Variants in PRMT3 observed in about 807,000 individuals in gnomAD.
PRMT3 encodes the protein protein arginine methyltransferase 3.
Under a neutral mutation model 71.9 loss-of-function variants are expected in PRMT3, and 62 were observed. That is an observed-to-expected ratio of 0.86 (90% CI 0.70 to 1.07). The LOEUF (loss-of-function observed/expected upper bound fraction) is 1.07, where lower values mean the gene tolerates loss of function less well. Among genes scored for constraint, PRMT3 ranks in the 50% least tolerant of loss-of-function variants. The pLI is 0.00. For synonymous variants in PRMT3, 213 were observed against 220.4 expected (o/e 0.97, Z 0.30); for missense variants, 663 against 643.0 (o/e 1.03, Z -0.34).
intron 9 of PRMT3, among the ~76,000 whole-genome samples, chr11:20,414,861 CCTT>C (rs1849268009): frequency 1.3e-5 from 2 of 152,032 alleles, no homozygotes; most frequent in South Asian, 4.1e-4. Flanking sequence ...ATGCAGGTGT[CCTT>C]CTCTAGACAC....
chr11:20,487,546 GA>G (rs1157711587), intron 13 of PRMT3, among the ~76,000 whole-genome samples: 2 of 152,192 alleles, frequency 1.3e-5, no homozygotes, highest in South Asian at 2.1e-4. Context: ...ATAGGTGCAT[GA>G]GGGGGACTAC....
intron 5 of PRMT3, chr11:20,393,859 G>C (rs570036117): frequency 6.6e-6 from 1 of 152,214 alleles, no homozygotes; most frequent in Non-Finnish European, 1.5e-5. Context: ...AATGAGGTTT[G>C]TAGTAGGAAG....
intron 7 of PRMT3, among the ~76,000 whole-genome samples, chr11:20,402,210 C>T (rs568584561): frequency 7.7e-4 from 117 of 152,164 alleles, no homozygotes; most frequent in African/African-American, 2.7e-3. Context: ...ACCTCCGCCT[C>T]CCGGGTTCAA....
intron 8 of PRMT3, among the ~76,000 whole-genome samples, chr11:20,403,811 A>G (rs1228985657): frequency 6.6e-6 from 1 of 152,206 alleles, no homozygotes; most frequent in Non-Finnish European, 1.5e-5. Flanking sequence ...TTGATAATGT[A>G]TCAGGTTGTT....
intron 10 of PRMT3, among the ~76,000 whole-genome samples, chr11:20,451,498 T>C (rs1850148034): frequency 6.6e-6 from 1 of 152,192 alleles, no homozygotes; most frequent in African/African-American, 2.4e-5. Context: ...TTTTTTGTTT[T>C]TTTTTTTAAT....
intron 11 of PRMT3, among the ~76,000 whole-genome samples, chr11:20,458,591 A>C (rs1259749855): frequency 6.6e-6 from 1 of 152,234 alleles, no homozygotes; most frequent in Non-Finnish European, 1.5e-5. Context: ...GTCAGAATGC[A>C]AAGGTAAAGG....
Position 20,494,100 on chromosome 11 carries a change from A to T in PRMT3, c.1399-67A>T. ...AATTGGGGCTTGTGTTTGATGTCGT[A>T]GATTAATGTACCATGATATTAAAAA... On this transcript the variant is annotated intron_variant, in intron 14 of 15. Transcript: ENST00000331079. 2.0e-6 allele frequency: 3 copies of T among 1,487,816 alleles called. No homozygotes were observed. In the East Asian group the frequency reaches 6.8e-5, roughly 34 times the overall value. 92.2% of individuals were successfully genotyped at this position (1,487,816 alleles called of 1,614,324 possible).
chr11:20,471,104 A>G (rs576193900), intron 13 of PRMT3, among the ~76,000 whole-genome samples: 5 of 152,084 alleles, frequency 3.3e-5, no homozygotes, highest in African/African-American at 7.2e-5. Context: ...AGTTCTCGGT[A>G]GATTTTGAAT....
At chr11:20,468,280 A>G (rs1401629141) in intron 13 of PRMT3, among the ~76,000 whole-genome samples, 1 of 152,224 alleles carries the variant, frequency 6.6e-6, no homozygotes, top group Non-Finnish European at 1.5e-5. Flanking sequence ...ATGCTTAGCT[A>G]CTAATTAAAG....
intron 10 of PRMT3, among the ~76,000 whole-genome samples, chr11:20,437,025 C>A (rs2133366257): frequency 6.6e-6 from 1 of 152,232 alleles, no homozygotes; most frequent in South Asian, 2.1e-4. Flanking sequence ...GGAATGTATC[C>A]ATTTCCTCTA....
At position 20,396,651 on chromosome 11, in the gene PRMT3, G is replaced by A. The variant is rs188689305; in HGVS notation, c.560+689G>A. On this transcript the variant is annotated intron_variant, in intron 6 of 15. Transcript: ENST00000331079. ...AGACTTTGTCGGGGTGGGGTCGGTG[G>A]GGGGGAATCAGAATGTAATTATGGT... is the stretch of plus-strand genomic sequence containing the variant. 7.0e-3 allele frequency among the ~76,000 whole-genome samples: 1,067 copies of A among 152,078 alleles called. 16 individuals are homozygous for A. Among genetic ancestry groups the A allele is most frequent in the African/African-American group, 0.024 (1,012 of 41,468 alleles).
chr11:20,461,227 T>C (rs1565222234), intron 11 of PRMT3, among the ~76,000 whole-genome samples: 1 of 152,132 alleles, frequency 6.6e-6, no homozygotes, highest in African/African-American at 2.4e-5. Flanking sequence ...TTGCCTAGAA[T>C]ACACTTTCCC....
At chr11:20,451,306 A>G (rs1850142443) in intron 10 of PRMT3, among the ~76,000 whole-genome samples, 1 of 149,042 alleles carries the variant, frequency 6.7e-6, no homozygotes, top group Non-Finnish European at 1.5e-5. Flanking sequence ...TGTTAAATAG[A>G]AAAAAAAAAG....
chr11:20,491,395 G>A (rs1851202771), intron 13 of PRMT3, among the ~76,000 whole-genome samples: 1 of 149,310 alleles, frequency 6.7e-6, no homozygotes, highest in South Asian at 2.1e-4. Context: ...ATTTGAGATT[G>A]CACCTTAGAT....
At chr11:20,486,481 C>A (rs1316431163) in intron 13 of PRMT3, among the ~76,000 whole-genome samples, 1 of 152,004 alleles carries the variant, frequency 6.6e-6, no homozygotes, top group East Asian at 1.9e-4. Flanking sequence ...ATTGGTAAAT[C>A]TTCAAACTGA....
At chr11:20,483,508 C>G (rs1333501572) in intron 13 of PRMT3, among the ~76,000 whole-genome samples, 1 of 147,936 alleles carries the variant, frequency 6.8e-6, no homozygotes, top group African/African-American at 2.5e-5. Flanking sequence ...GAAGAGAAAT[C>G]TAGAGAAGCA....
chr11:20,441,407 G>A (rs1292483782), intron 10 of PRMT3, among the ~76,000 whole-genome samples: 3 of 151,778 alleles, frequency 2.0e-5, no homozygotes, highest in South Asian at 4.1e-4. Context: ...CCGGGTTCAC[G>A]CCATTCTCCT....
At chr11:20,412,506 AT>A (rs1156370777) in intron 9 of PRMT3, among the ~76,000 whole-genome samples, 4 of 151,984 alleles carry the variant, frequency 2.6e-5, no homozygotes, top group Non-Finnish European at 5.9e-5. Context: ...CTGTGTGCCT[AT>A]CACCCGCGTC....
intron 10 of PRMT3, among the ~76,000 whole-genome samples, chr11:20,440,840 TC>T (rs1849877595): frequency 6.6e-6 from 1 of 152,204 alleles, no homozygotes; most frequent in African/African-American, 2.4e-5. Flanking sequence ...GCAAATATTT[TC>T]TCCCACTCTG....
Sources: allele counts gnomAD v4.1 joint callset (sites outside exome capture counted in the v4.1 genomes callset), GRCh38; gene constraint gnomAD v4.1.1; transcripts MANE v1.5; gene names NCBI Gene and HGNC (gene_info 2026-07-23, HGNC 2026-07-21).